Variants in DOCK1 observed in about 807,000 individuals in gnomAD.
The protein encoded by DOCK1 is dedicator of cytokinesis protein 1.
DOCK1 carries 138 observed loss-of-function variants against 262.7 expected under a neutral mutation model. That is an observed-to-expected ratio of 0.53 (90% CI 0.46 to 0.61). The LOEUF (loss-of-function observed/expected upper bound fraction) is 0.61. Ranked by LOEUF, DOCK1 falls within the 20% of genes least tolerant of loss-of-function variation. DOCK1 has a pLI of 0.00. For missense variants in DOCK1, 1,908 were observed against 2,370.7 expected (o/e 0.80, Z 4.05); for synonymous variants, 866 against 867.4 (o/e 1.00, Z 0.03).
At chr10:126,960,986 G>C (rs978654942) in intron 1 of DOCK1, among the ~76,000 whole-genome samples, 49 of 151,888 alleles carry the variant, frequency 3.2e-4, no homozygotes, top group African/African-American at 1.2e-3. Flanking sequence ...AGTTCAGTTA[G>C]AATGTGAGGA....
At chr10:127,359,890 G>C (rs1039965813) in intron 32 of DOCK1, among the ~76,000 whole-genome samples, 1 of 152,142 alleles carries the variant, frequency 6.6e-6, no homozygotes, top group Non-Finnish European at 1.5e-5. Context: ...AATAAGATTG[G>C]TTAATTCGGG....
At chr10:126,979,257 G>A (rs2038774208) in intron 3 of DOCK1, among the ~76,000 whole-genome samples, 1 of 152,156 alleles carries the variant, frequency 6.6e-6, no homozygotes, top group Admixed American at 6.5e-5. Context: ...CCAAAGATAT[G>A]CACCTGTAGG....
intron 31 of DOCK1, among the ~76,000 whole-genome samples, chr10:127,348,274 A>C (rs1172126217): frequency 6.6e-6 from 1 of 152,074 alleles, no homozygotes; most frequent in Non-Finnish European, 1.5e-5. Flanking sequence ...TCTAAGCCTG[A>C]CCAGCAGCTC....
At chr10:127,233,413 C>T (rs2058928152) in intron 27 of DOCK1, among the ~76,000 whole-genome samples, 1 of 152,154 alleles carries the variant, frequency 6.6e-6, no homozygotes, top group Admixed American at 6.6e-5. Flanking sequence ...TATATATTTA[C>T]ATTGATATCC....
chr10:127,324,055 AG>A (rs2062653309), intron 29 of DOCK1, among the ~76,000 whole-genome samples: 1 of 152,206 alleles, frequency 6.6e-6, no homozygotes, highest in Admixed American at 6.5e-5. Flanking sequence ...CTCAGCTGTG[AG>A]TGGTCCCAGG....
intron 9 of DOCK1, among the ~76,000 whole-genome samples, 191 bp downstream of exon 9, chr10:126,999,626 G>A (rs1218026117): frequency 6.6e-6 from 1 of 152,140 alleles, no homozygotes; most frequent in African/African-American, 2.4e-5. Context: ...TAGAATCACC[G>A]TGACAAAGAT....
intron 46 of DOCK1, 48 bp downstream of exon 46, chr10:127,419,797 A>G (rs906976604): frequency 2.6e-6 from 4 of 1,538,066 alleles, no homozygotes; most frequent in Non-Finnish European, 1.8e-6. Context: ...AAGGAAAGCT[A>G]GGAGGGTCTA....
intron 27 of DOCK1, among the ~76,000 whole-genome samples, chr10:127,130,595 C>T (rs2050264001): frequency 6.6e-6 from 1 of 152,138 alleles, no homozygotes; most frequent in African/African-American, 2.4e-5. Context: ...ACCATGTGGT[C>T]CAGGATGTCT....
At chr10:127,240,691 T>G (rs933181209) in intron 27 of DOCK1, among the ~76,000 whole-genome samples, 1 of 152,212 alleles carries the variant, frequency 6.6e-6, no homozygotes, top group Non-Finnish European at 1.5e-5. Flanking sequence ...TTAATTATTC[T>G]TTCTTTCTTA....
chr10:127,047,881 AT>A (rs1160846149), intron 21 of DOCK1, among the ~76,000 whole-genome samples: 4 of 152,198 alleles, frequency 2.6e-5, no homozygotes, highest in African/African-American at 9.6e-5. Context: ...ATTTTATTGT[AT>A]GAATATTTCA....
intron 29 of DOCK1, among the ~76,000 whole-genome samples, chr10:127,298,222 A>C (rs1342867005): frequency 6.6e-6 from 1 of 152,226 alleles, no homozygotes; most frequent in Non-Finnish European, 1.5e-5. Context: ...TAATATCTAT[A>C]TGCTAATTAG....
chr10:126,942,106 G>A (rs1195885821), intron 1 of DOCK1, among the ~76,000 whole-genome samples: 1 of 151,924 alleles, frequency 6.6e-6, no homozygotes, highest in African/African-American at 2.4e-5. Flanking sequence ...CTCACTGCAA[G>A]CTCTGCCTCC....
At chr10:127,307,566 C>T (rs1225179460) in intron 29 of DOCK1, among the ~76,000 whole-genome samples, 1 of 152,186 alleles carries the variant, frequency 6.6e-6, no homozygotes, top group Admixed American at 6.5e-5. Flanking sequence ...AGTCATGATC[C>T]TTCCCGGGCC....
chr10:127,144,233 T>C (rs557109315), intron 27 of DOCK1, among the ~76,000 whole-genome samples: 1 of 152,264 alleles, frequency 6.6e-6, no homozygotes, highest in East Asian at 1.9e-4. Context: ...TCCCTGCTTA[T>C]CCTTCAAAAC....
At chr10:126,948,939 C>T (rs1054978969) in intron 1 of DOCK1, among the ~76,000 whole-genome samples, 1 of 152,100 alleles carries the variant, frequency 6.6e-6, no homozygotes, top group Non-Finnish European at 1.5e-5. Context: ...ATGCCTGGGC[C>T]CCGCAAGCTG....
rs988905538 is a variant in DOCK1 at position 127,054,823 on chromosome 10, C to T, written c.2336+2008C>T. Among the ~76,000 whole-genome samples the T allele has an allele frequency of 2.0e-5, 3 of 152,220 alleles. No homozygotes were observed. The South Asian group carries it at 6.2e-4, about 31-fold the overall frequency. ...TCAGGCATTTGATGATCTGCATATT[C>T]TCACCCGATAACACTGGACTTTCCC... On this transcript the variant is annotated intron_variant, in intron 22 of 51. Coordinates refer to ENST00000623213, the MANE Select transcript of DOCK1 (RefSeq NM_001290223.2).
intron 31 of DOCK1, among the ~76,000 whole-genome samples, chr10:127,347,860 TTCCCTTCCCTTCCCTTCCCTTCCCA>T (rs2063713104): frequency 2.7e-5 from 1 of 37,342 alleles, no homozygotes; most frequent in Non-Finnish European, 5.5e-5. Flanking sequence ...TTCCCTTCCC[TTCCCTTCCCTTCCCTTCCCTTCCCA>T]TCCCTTCCCT....
intron 51 of DOCK1, among the ~76,000 whole-genome samples, chr10:127,449,437 G>A (rs185249293): frequency 6.6e-6 from 1 of 152,220 alleles, no homozygotes; most frequent in African/African-American, 2.4e-5. Context: ...ACATTTTATT[G>A]TCTCAATTTC....
intron 33 of DOCK1, among the ~76,000 whole-genome samples, chr10:127,363,219 A>G (rs911027900): frequency 7.2e-5 from 11 of 152,166 alleles, no homozygotes; most frequent in African/African-American, 2.2e-4. Flanking sequence ...TTTAAAAATC[A>G]TTATACTGGA....
Sources: allele counts gnomAD v4.1 joint callset (sites outside exome capture counted in the v4.1 genomes callset), GRCh38; gene constraint gnomAD v4.1.1; transcripts MANE v1.5; gene names NCBI Gene and HGNC (gene_info 2026-07-23, HGNC 2026-07-21).